The following SLC24A3 variants were observed in gnomAD, a reference collection of about 807,000 sequenced individuals.
SLC24A3 encodes solute carrier family 24 member 3.
Under a neutral mutation model 75.8 loss-of-function variants are expected in SLC24A3, and 28 were observed. That is an observed-to-expected ratio of 0.37 (90% CI 0.27 to 0.51). The LOEUF is 0.51. Ranked by LOEUF, SLC24A3 falls within the 20% of genes least tolerant of loss-of-function variation. SLC24A3 has a pLI of 0.94. For missense variants in SLC24A3, 663 were observed against 847.8 expected (o/e 0.78, Z 2.71); for synonymous variants, 372 against 334.1 (o/e 1.11, Z -1.24).
intron 2 of SLC24A3, among the ~76,000 whole-genome samples, chr20:19,457,934 C>T (rs563623078): frequency 8.5e-5 from 13 of 152,294 alleles, no homozygotes; most frequent in Middle Eastern, 6.8e-3. Context: ...TAGGTGGCCC[C>T]AGGTGAATCA....
At chr20:19,636,639 C>G (rs1430471862) in intron 6 of SLC24A3, among the ~76,000 whole-genome samples, 1 of 152,172 alleles carries the variant, frequency 6.6e-6, no homozygotes, top group Non-Finnish European at 1.5e-5. Flanking sequence ...TCCTATTTAC[C>G]TCCACAGAGC....
At position 19,418,883 on chromosome 20, in the gene SLC24A3, G is replaced by T. The variant is rs368587932; in HGVS notation, c.272-96605G>T. Among the ~76,000 whole-genome samples, 355 of 152,208 alleles carry T rather than the reference G, an allele frequency of 2.3e-3. 1 individual carries two copies. Among genetic ancestry groups the T allele is most frequent in the African/African-American group, 8.3e-3 (346 of 41,528 alleles). ...AGCCAATTTGGAGAGATTCCCACTG[G>T]CCAGAGGTGTAATGATTTGAGCATC... On this transcript the variant is annotated intron_variant, in intron 2 of 16. Coordinates refer to ENST00000328041, the MANE Select transcript of SLC24A3 (RefSeq NM_020689.4).
chr20:19,707,826 T>A (rs995818704), intron 15 of SLC24A3, among the ~76,000 whole-genome samples: 1 of 152,104 alleles, frequency 6.6e-6, no homozygotes, highest in Admixed American at 6.5e-5. Flanking sequence ...TTAGGACAAA[T>A]AAAGTTTGAT....
intron 2 of SLC24A3, among the ~76,000 whole-genome samples, chr20:19,293,215 A>G (rs1983983057): frequency 6.6e-6 from 1 of 152,174 alleles, no homozygotes; most frequent in Non-Finnish European, 1.5e-5. Context: ...AATTTATTAA[A>G]TTGAGTTATT....
intron 2 of SLC24A3, among the ~76,000 whole-genome samples, chr20:19,460,620 C>G (rs1464824325): frequency 6.6e-6 from 1 of 152,120 alleles, no homozygotes; most frequent in Non-Finnish European, 1.5e-5. Context: ...CAGGCAGTCC[C>G]CTGACTCACT....
At chr20:19,288,380 C>T (rs1231265804) in intron 2 of SLC24A3, among the ~76,000 whole-genome samples, 1 of 152,212 alleles carries the variant, frequency 6.6e-6, no homozygotes, top group Non-Finnish European at 1.5e-5. Context: ...CTAGCTTTGA[C>T]ATCCCTTTAG....
chr20:19,505,740 C>G (rs78365104), intron 2 of SLC24A3, among the ~76,000 whole-genome samples: 2 of 152,090 alleles, frequency 1.3e-5, no homozygotes, highest in African/African-American at 4.8e-5. Context: ...TTGACAGTTT[C>G]TCTTGAGAGA....
At chr20:19,627,858 C>A (rs1192425381) in intron 6 of SLC24A3, among the ~76,000 whole-genome samples, 4 of 151,942 alleles carry the variant, frequency 2.6e-5, no homozygotes, top group East Asian at 1.9e-4. Flanking sequence ...CAGGTAGGAG[C>A]AAATTTGAAG....
In SLC24A3 at chr20:19,289,308, G is replaced by A. The variant is rs534440050; in HGVS notation, c.271+8221G>A. ...ACCCCCTAAAAGAGCTTGAAACCAC[G>A]GGCCTGGAACACCCCTTGCTCCAGA... On this transcript the variant is annotated intron_variant, in intron 2 of 16. Coordinates refer to ENST00000328041, the MANE Select transcript of SLC24A3 (RefSeq NM_020689.4). Among the ~76,000 whole-genome samples the A allele has an allele frequency of 3.9e-5, 6 of 152,232 alleles. 1 individual carries two copies. The highest frequency in any genetic ancestry group is 9.6e-5 in the African/African-American group (4 of 41,538).
intron 2 of SLC24A3, among the ~76,000 whole-genome samples, chr20:19,363,975 G>A (rs1056313441): frequency 2.0e-5 from 3 of 152,092 alleles, no homozygotes; most frequent in Non-Finnish European, 4.4e-5. Context: ...ATGATTGGCT[G>A]TCTTTAGGGA....
rs112803852 is a variant in SLC24A3, at chr20:19,522,591, G to A, written c.348+7027G>A. 6.6e-5 allele frequency among the ~76,000 whole-genome samples: 10 copies of A among 152,252 alleles called. 1 individual carries two copies. Among genetic ancestry groups the A allele is most frequent in the East Asian group, 1.9e-4 (1 of 5,172 alleles). ...TTTGATCTTCACCGTCTCTTCCCCC[G>A]CAAACGCCACCAAAGGCAGCTCAGC... On this transcript the variant is annotated intron_variant, in intron 3 of 16. Coordinates refer to ENST00000328041, the MANE Select transcript of SLC24A3 (RefSeq NM_020689.4).
intron 15 of SLC24A3, among the ~76,000 whole-genome samples, chr20:19,713,651 T>C (rs1470572297): frequency 2.0e-5 from 3 of 152,146 alleles, no homozygotes; most frequent in Middle Eastern, 3.4e-3. Flanking sequence ...AGTAAGCTAT[T>C]GTTCAGTGAT....
intron 2 of SLC24A3, among the ~76,000 whole-genome samples, chr20:19,451,850 A>C (rs1987486886): frequency 6.6e-6 from 1 of 152,182 alleles, no homozygotes; most frequent in African/African-American, 2.4e-5. Context: ...ATCCAAAGGG[A>C]ATCAACTTGG....
chr20:19,573,860 TG>T (rs2031090512), intron 3 of SLC24A3, among the ~76,000 whole-genome samples: 1 of 152,168 alleles, frequency 6.6e-6, no homozygotes, highest in African/African-American at 2.4e-5. Flanking sequence ...ATTGAAGTTG[TG>T]TTTGCAAAAT....
chr20:19,581,827 G>A (rs2031222474), intron 4 of SLC24A3, among the ~76,000 whole-genome samples: 2 of 152,158 alleles, frequency 1.3e-5, no homozygotes, highest in African/African-American at 4.8e-5. Flanking sequence ...ATCCAGAGAC[G>A]AGCCTGGACC....
chr20:19,330,527 T>A (rs1984974886), intron 2 of SLC24A3, among the ~76,000 whole-genome samples: 1 of 152,126 alleles, frequency 6.6e-6, no homozygotes, highest in Non-Finnish European at 1.5e-5. Flanking sequence ...AATATAAATC[T>A]TGGGAAATAA....
chr20:19,455,879 G>A (rs933829616), intron 2 of SLC24A3, among the ~76,000 whole-genome samples: 23 of 152,312 alleles, frequency 1.5e-4, no homozygotes, highest in African/African-American at 5.3e-4. Context: ...AATTATAAGT[G>A]TCAGTATAAT....
chr20:19,292,804 A>G (rs1446959897), intron 2 of SLC24A3, among the ~76,000 whole-genome samples: 1 of 152,230 alleles, frequency 6.6e-6, no homozygotes, highest in East Asian at 1.9e-4. Flanking sequence ...TATTTCTTAC[A>G]GTTCTGGAAG....
At chr20:19,399,999 A>T (rs1214390286) in intron 2 of SLC24A3, among the ~76,000 whole-genome samples, 1 of 152,166 alleles carries the variant, frequency 6.6e-6, no homozygotes, top group Non-Finnish European at 1.5e-5. Flanking sequence ...AGAGATGCTC[A>T]ATTAAATTTT....
Sources: gnomAD v4.1 joint callset for allele counts (sites outside exome capture counted in the v4.1 genomes callset) on GRCh38, gnomAD v4.1.1 for gene constraint, MANE v1.5 for transcripts, NCBI Gene and HGNC (gene_info 2026-07-23, HGNC 2026-07-21) for gene names.